Variants in LRRC69 observed in about 807,000 individuals in gnomAD.
LRRC69 encodes the protein leucine-rich repeat-containing protein 69.
LRRC69 carries 42 observed loss-of-function variants against 37.8 expected under a neutral mutation model. The observed-to-expected ratio is 1.11, with a 90% CI of 0.87 to 1.44. The LOEUF is 1.44. Among genes scored for constraint, LRRC69 ranks in the 40% most tolerant of loss-of-function variants. The probability of loss-of-function intolerance (pLI) is 0.00; values close to 1 mark genes in which losing one functional copy is unlikely to be tolerated. For synonymous variants in LRRC69, 141 were observed against 143.1 expected, an observed-to-expected ratio of 0.99 and a Z score of 0.11; for missense variants, 357 against 401.9, an observed-to-expected ratio of 0.89 and a Z score of 0.96.
intron 1 of LRRC69, among the ~76,000 whole-genome samples, chr8:91,108,655 C>T (rs867907116): frequency 8.6e-5 from 13 of 151,940 alleles, no homozygotes; most frequent in African/African-American, 1.7e-4. Flanking sequence ...GGGCCACATG[C>T]GGCCCAGGAC....
intron 5 of LRRC69, among the ~76,000 whole-genome samples, chr8:91,148,954 T>G (rs865804325): frequency 9.2e-5 from 14 of 151,886 alleles, no homozygotes; most frequent in African/African-American, 3.4e-4. Flanking sequence ...TGTAAATTTG[T>G]TTGAGTTCTT....
At chr8:91,127,102 T>G (rs1428918343) in exon 3 of LRRC69, 3 of 1,547,620 alleles carry the variant, frequency 1.9e-6, no homozygotes, top group Non-Finnish European at 1.7e-6. Context: ...CTTACAAAAT[T>G]TAATCCTGCT....
intron 5 of LRRC69, among the ~76,000 whole-genome samples, chr8:91,165,807 T>G (rs74543983): frequency 6.6e-6 from 1 of 151,760 alleles, no homozygotes; most frequent in African/African-American, 2.4e-5. Context: ...CTGACAATAC[T>G]TATGGTTGAC....
chr8:91,202,023 T>C (rs767813626), intron 7 of LRRC69, among the ~76,000 whole-genome samples: 7 of 152,018 alleles, frequency 4.6e-5, no homozygotes, highest in Non-Finnish European at 7.4e-5. Context: ...CTGGCCAATA[T>C]GATAAAATCA....
At chr8:91,209,956 G>A (rs544835226) in intron 7 of LRRC69, among the ~76,000 whole-genome samples, 5 of 152,140 alleles carry the variant, frequency 3.3e-5, no homozygotes, top group Admixed American at 6.5e-5. Flanking sequence ...AAGCTCTCTG[G>A]ATCCAAAGAT....
In LRRC69 at chr8:91,200,658, C is replaced by T. The variant is rs191044863; in HGVS notation, c.799C>T (p.Pro267Ser). 1.6e-5 allele frequency: 24 copies of T among 1,471,094 alleles called. No individual in the cohort carries two copies. Among genetic ancestry groups the T allele is most frequent in the Non-Finnish European group, 2.2e-5 (24 of 1,115,294 alleles). 91.1% of individuals were successfully genotyped at this position (1,471,094 alleles called of 1,614,324 possible). A position where few individuals can be genotyped will look rare whatever the true frequency, so the allele number is the denominator to read the frequency against. ...AATGAATCAGCTAGCAGAAAATAAC[C>T]CTTTCCTAATGGATGACATAGAACG... Residue 267 changes from proline (P) to serine (S), a missense_variant, in exon 7 of 8, where the codon CCT becomes TCT. Physicochemically the swap from Pro to Ser is moderately conservative, Grantham distance 74 (BLOSUM62 -1). Coordinates refer to ENST00000448384, the Ensembl canonical transcript of LRRC69.
In LRRC69 at chr8:91,114,502, C is replaced by T. The variant is rs186828545; in HGVS notation, c.184-9991C>T. On this transcript the variant is annotated intron_variant, in intron 1 of 7. Coordinates refer to ENST00000448384, the Ensembl canonical transcript of LRRC69. The stretch of plus-strand genomic sequence containing the variant: ...ACATATGTCATGTGATGCCTAACAG[C>T]ATTTCAGTTAACAGTGAACCACATA... Among the ~76,000 whole-genome samples, 5 of 151,818 alleles carry T rather than the reference C, an allele frequency of 3.3e-5. No homozygotes were observed. In the East Asian group the frequency reaches 9.7e-4, roughly 29 times the overall value.
chr8:91,149,898 G>T (rs1808698003), intron 5 of LRRC69, among the ~76,000 whole-genome samples: 1 of 151,924 alleles, frequency 6.6e-6, no homozygotes, highest in East Asian at 1.9e-4. Flanking sequence ...TCTATTATTG[G>T]TGTATAAGAA....
chr8:91,103,456 G>A (rs1345878499), intron 1 of LRRC69, among the ~76,000 whole-genome samples: 1 of 151,958 alleles, frequency 6.6e-6, no homozygotes, highest in Non-Finnish European at 1.5e-5. Context: ...CCATATGCTT[G>A]TGTTAAACCT....
intron 1 of LRRC69, among the ~76,000 whole-genome samples, chr8:91,114,211 G>C (rs1415288072): frequency 6.6e-6 from 1 of 151,902 alleles, no homozygotes; most frequent in Admixed American, 6.6e-5. Flanking sequence ...ATTGTTGGTA[G>C]GAATGTAAGT....
intron 5 of LRRC69, among the ~76,000 whole-genome samples, chr8:91,151,395 T>G (rs999879668): frequency 1.3e-5 from 2 of 151,948 alleles, no homozygotes; most frequent in Middle Eastern, 3.2e-3. Context: ...GTTGAGTGGT[T>G]TTGAGTGAGT....
chr8:91,156,087 A>G (rs1808829992), intron 5 of LRRC69, among the ~76,000 whole-genome samples: 1 of 150,838 alleles, frequency 6.6e-6, no homozygotes, highest in South Asian at 2.1e-4. Context: ...GCTAGATCAT[A>G]TGGTAGTTCT....
intron 5 of LRRC69, among the ~76,000 whole-genome samples, chr8:91,166,004 G>C (rs1809022066): frequency 6.6e-6 from 1 of 151,714 alleles, no homozygotes; most frequent in African/African-American, 2.4e-5. Context: ...GTGCTGACTT[G>C]GTTGGGGCAG....
At chr8:91,199,260 T>G (rs1809673444) in intron 6 of LRRC69, among the ~76,000 whole-genome samples, 1 of 152,214 alleles carries the variant, frequency 6.6e-6, no homozygotes, top group Non-Finnish European at 1.5e-5. Context: ...AATAAACATC[T>G]GATTTAGGCA....
chr8:91,177,332 A>G lies in LRRC69; in HGVS notation c.652-12190A>G, dbSNP rs916293074. ...TTTATTTGTGAAGATATTCTAGGAA[A>G]GATCTGACAATCAATTACTGTACTT... On this transcript the variant is annotated intron_variant, in intron 5 of 7. Coordinates refer to ENST00000448384, the Ensembl canonical transcript of LRRC69. 6.3e-4 allele frequency among the ~76,000 whole-genome samples: 96 copies of G among 152,322 alleles called. 1 individual carries two copies. Among genetic ancestry groups the G allele is most frequent in the African/African-American group, 2.3e-3 (94 of 41,566 alleles).
chr8:91,131,498 A>G (rs1051086709), intron 3 of LRRC69, among the ~76,000 whole-genome samples: 8 of 151,980 alleles, frequency 5.3e-5, no homozygotes, highest in East Asian at 3.9e-4. Flanking sequence ...TGAATATAAT[A>G]TATCTCTACT....
intron 5 of LRRC69, among the ~76,000 whole-genome samples, chr8:91,171,788 G>A (rs1809136814): frequency 1.3e-5 from 2 of 151,942 alleles, no homozygotes; most frequent in Admixed American, 1.3e-4. Flanking sequence ...TCTTTTCACT[G>A]TAGATTATTT....
intron 7 of LRRC69, among the ~76,000 whole-genome samples, chr8:91,206,210 G>T (rs938392041): frequency 6.6e-6 from 1 of 152,132 alleles, no homozygotes; most frequent in African/African-American, 2.4e-5. Context: ...ACATCTCTAT[G>T]TATCATAAGA....
chr8:91,196,450 G>T (rs1809602413), intron 6 of LRRC69, among the ~76,000 whole-genome samples: 1 of 151,880 alleles, frequency 6.6e-6, no homozygotes, highest in Non-Finnish European at 1.5e-5. Context: ...TTTCCAACTT[G>T]GTTCCATTCT....
Sources: allele counts gnomAD v4.1 joint callset (sites outside exome capture counted in the v4.1 genomes callset), GRCh38; gene constraint gnomAD v4.1.1; transcripts MANE v1.5; gene names NCBI Gene and HGNC (gene_info 2026-07-23, HGNC 2026-07-21).